VDAC1: variants seen among roughly 807,000 people sequenced by gnomAD.
VDAC1 encodes the protein voltage dependent anion channel 1.
A neutral mutation model predicts 34.7 loss-of-function variants in VDAC1; 10 were observed. The observed-to-expected ratio is 0.29, with a 90% CI of 0.18 to 0.49. The LOEUF (loss-of-function observed/expected upper bound fraction) is 0.49. Ranked by LOEUF, VDAC1 falls within the 20% of genes least tolerant of loss-of-function variation. The pLI, the probability that VDAC1 is intolerant of heterozygous loss-of-function variation, is 0.99. For synonymous variants in VDAC1, 130 were observed against 136.0 expected, an observed-to-expected ratio of 0.96 and a Z score of 0.30; for missense variants, 230 against 347.9, an observed-to-expected ratio of 0.66 and a Z score of 2.69.
the VDAC1 span, among the ~76,000 whole-genome samples, chr5:134,070,301 T>G: frequency 1.3e-5 from 2 of 151,918 alleles, no homozygotes; most frequent in Non-Finnish European, 2.9e-5. Flanking sequence ...CCCAGCATGC[T>G]CGGTTAATTT....
the VDAC1 span, among the ~76,000 whole-genome samples, chr5:134,019,100 G>A: frequency 5.9e-5 from 9 of 152,050 alleles, no homozygotes; most frequent in African/African-American, 1.7e-4. Context: ...GGATAAGATC[G>A]CACTGAGTCC....
the VDAC1 span, among the ~76,000 whole-genome samples, chr5:134,098,020 C>T: frequency 6.6e-6 from 1 of 151,988 alleles, no homozygotes; most frequent in East Asian, 1.9e-4. Flanking sequence ...CAGGCGCCTG[C>T]CAGCACGCCT....
the VDAC1 span, among the ~76,000 whole-genome samples, chr5:134,087,998 A>G: frequency 6.8e-6 from 1 of 146,758 alleles, no homozygotes; most frequent in Non-Finnish European, 1.5e-5. Flanking sequence ...TAAAAATACA[A>G]AAAAAAATTA....
chr5:134,033,611 G>A, the VDAC1 span, among the ~76,000 whole-genome samples: 6,702 of 150,702 alleles, frequency 0.044, 194 homozygotes, highest in East Asian at 0.11. Context: ...AGTATTTCAC[G>A]TACCAATAAT....
At chr5:133,994,934 G>A (rs1276538866) in intron 1 of VDAC1, among the ~76,000 whole-genome samples, 3 of 152,022 alleles carry the variant, frequency 2.0e-5, no homozygotes, top group African/African-American at 4.8e-5. Flanking sequence ...CCTTCCCCAC[G>A]ACTCTCCCCT....
the VDAC1 span, among the ~76,000 whole-genome samples, chr5:134,069,815 G>T: frequency 1.3e-5 from 2 of 152,164 alleles, no homozygotes; most frequent in Non-Finnish European, 2.9e-5. Context: ...CTAAGTCACA[G>T]GATGAGATAG....
the VDAC1 span, among the ~76,000 whole-genome samples, chr5:134,113,718 G>A: frequency 1.3e-5 from 2 of 152,242 alleles, no homozygotes; most frequent in Admixed American, 6.5e-5. Context: ...GCAGACCCGG[G>A]TGCCATACAG....
At chr5:134,056,241 C>CAAAAAA in the VDAC1 span, among the ~76,000 whole-genome samples, 3 of 111,200 alleles carry the variant, frequency 2.7e-5, no homozygotes, top group African/African-American at 3.4e-5. Flanking sequence ...AACTCCGTCT[C>CAAAAAA]AAAAAAAAAA....
the VDAC1 span, among the ~76,000 whole-genome samples, chr5:134,058,279 G>T: frequency 6.6e-6 from 1 of 151,782 alleles, no homozygotes; most frequent in Non-Finnish European, 1.5e-5. Flanking sequence ...GTCAGCAGCC[G>T]GGCTGTCCCT....
the VDAC1 span, among the ~76,000 whole-genome samples, chr5:134,083,945 T>A: frequency 5.3e-5 from 8 of 152,150 alleles, no homozygotes; most frequent in Non-Finnish European, 8.8e-5. Flanking sequence ...AGCCCTAAGG[T>A]TCAATCCTGG....
At chr5:133,997,178 T>A (rs1202453914) in intron 1 of VDAC1, among the ~76,000 whole-genome samples, 1 of 152,136 alleles carries the variant, frequency 6.6e-6, no homozygotes, top group Non-Finnish European at 1.5e-5. Context: ...ACAGGTACAC[T>A]CTTTTTGGAG....
At chr5:134,025,020 C>T in the VDAC1 span, among the ~76,000 whole-genome samples, 2 of 152,344 alleles carry the variant, frequency 1.3e-5, no homozygotes, top group Middle Eastern at 6.8e-3. Context: ...CATGGTGAAG[C>T]CAAGCCACTG....
the VDAC1 span, among the ~76,000 whole-genome samples, chr5:134,039,392 A>G: frequency 6.6e-6 from 1 of 152,038 alleles, no homozygotes; most frequent in African/African-American, 2.4e-5. Flanking sequence ...GCAGTGGCGC[A>G]ATCTCGGCTC....
the VDAC1 span, among the ~76,000 whole-genome samples, chr5:134,075,198 T>A: frequency 6.6e-6 from 1 of 152,234 alleles, no homozygotes; most frequent in South Asian, 2.1e-4. Context: ...TGCACACAGT[T>A]CACACTACCA....
chr5:134,057,890 TTTTTG>T, the VDAC1 span, among the ~76,000 whole-genome samples: 5 of 152,072 alleles, frequency 3.3e-5, no homozygotes, highest in African/African-American at 7.2e-5. Context: ...TTCTCACTGT[TTTTTG>T]TTTTGTTTTG....
At chr5:133,996,316 C>A (rs1409431824) in intron 1 of VDAC1, among the ~76,000 whole-genome samples, 2 of 152,186 alleles carry the variant, frequency 1.3e-5, no homozygotes, top group African/African-American at 2.4e-5. Context: ...GGTTCCCCTC[C>A]ACAGCCTGCC....
chr5:134,043,771 G>A, the VDAC1 span, among the ~76,000 whole-genome samples: 1 of 152,122 alleles, frequency 6.6e-6, no homozygotes, highest in East Asian at 1.9e-4. Flanking sequence ...GGGCTCAAGC[G>A]ATCCACCCAT....
At chr5:133,975,724 G>A (rs1752452355) in intron 7 of VDAC1, 147 bp downstream of exon 7, 1 of 1,258,228 alleles carries the variant, frequency 7.9e-7, no homozygotes, top group Non-Finnish European at 1.1e-6. Context: ...CTCCCAAAGT[G>A]CAGGGATTAC....
At chr5:134,064,803 T>A in the VDAC1 span, among the ~76,000 whole-genome samples, 1 of 151,752 alleles carries the variant, frequency 6.6e-6, no homozygotes, top group Non-Finnish European at 1.5e-5. Flanking sequence ...CTGTGACCTC[T>A]GCTCCCTGGG....
Sources: allele counts gnomAD v4.1 joint callset (sites outside exome capture counted in the v4.1 genomes callset), GRCh38; gene constraint gnomAD v4.1.1; transcripts MANE v1.5; gene names NCBI Gene and HGNC (gene_info 2026-07-23, HGNC 2026-07-21).